Variants in STYX observed in about 807,000 individuals in gnomAD.
STYX encodes serine/threonine/tyrosine interacting protein, also known as serine/threonine/tyrosine-interacting protein.
A neutral mutation model predicts 42.7 loss-of-function variants in STYX; 20 were observed. The observed-to-expected ratio is 0.47, with a 90% confidence interval of 0.33 to 0.68. The LOEUF (loss-of-function observed/expected upper bound fraction) is 0.68, where lower values mean the gene tolerates loss of function less well. Ranked by LOEUF, STYX falls within the 30% of genes least tolerant of loss-of-function variation. STYX has a pLI of 0.02. For synonymous variants in STYX, 78 were observed against 81.9 expected (o/e 0.95, Z 0.26); for missense variants, 226 against 268.5 (o/e 0.84, Z 1.11).
chr14:52,738,936 C>T (rs1281457228), intron 1 of STYX, among the ~76,000 whole-genome samples: 1 of 152,038 alleles, frequency 6.6e-6, no homozygotes, highest in Non-Finnish European at 1.5e-5. Flanking sequence ...CCTCTACCCC[C>T]ATGCTATATA....
chr14:52,735,582 T>TA (rs1307916430), intron 1 of STYX, among the ~76,000 whole-genome samples: 1 of 152,216 alleles, frequency 6.6e-6, no homozygotes, highest in African/African-American at 2.4e-5. Context: ...AACTGACTAA[T>TA]AAGCACTGTT....
At chr14:52,743,347 C>T (rs1329293053) in intron 1 of STYX, among the ~76,000 whole-genome samples, 3 of 151,732 alleles carry the variant, frequency 2.0e-5, no homozygotes, top group Admixed American at 6.6e-5. Context: ...TTTGGGAGGC[C>T]GAGGCGGGCA....
At chr14:52,748,364 G>A (rs1039150344) in intron 3 of STYX, among the ~76,000 whole-genome samples, 9 of 152,132 alleles carry the variant, frequency 5.9e-5, no homozygotes, top group African/African-American at 2.2e-4. Context: ...AAGTAGCCAG[G>A]ACTACGGGCA....
Position 52,759,576 on chromosome 14 carries a change from T to A in STYX, c.432-106T>A. On this transcript the variant is annotated intron_variant, in intron 8 of 10. Coordinates refer to ENST00000354586, the MANE Select transcript of STYX (RefSeq NM_145251.4). ...GGAATTGTGATATTTAATCTCATCA[T>A]GCTTTTTCCATTACAACTCATTACC... The A allele has an allele frequency of 3.9e-6, 3 of 763,572 alleles. No homozygotes were observed. The South Asian group carries it at 4.7e-5, about 12-fold the overall frequency. 47.3% of individuals were successfully genotyped at this position (763,572 alleles called of 1,614,324 possible).
chr14:52,746,678 G>A (rs941730520), intron 3 of STYX, among the ~76,000 whole-genome samples, 199 bp downstream of exon 3: 4 of 152,100 alleles, frequency 2.6e-5, no homozygotes, highest in African/African-American at 9.7e-5. Flanking sequence ...ACAAATCAGA[G>A]TTTTTGTTTT....
chr14:52,733,569 G>A (rs1351760623), intron 1 of STYX, among the ~76,000 whole-genome samples: 1 of 152,100 alleles, frequency 6.6e-6, no homozygotes, highest in Non-Finnish European at 1.5e-5. Context: ...CAGGGTTCCC[G>A]TTACTCCCTC....
intron 1 of STYX, among the ~76,000 whole-genome samples, chr14:52,734,953 A>G (rs1594862110): frequency 1.3e-5 from 2 of 151,864 alleles, no homozygotes; most frequent in African/African-American, 4.8e-5. Context: ...GCTACTTGGG[A>G]GGCTGAGGCA....
chr14:52,743,072 A>C (rs1370973560), intron 1 of STYX, among the ~76,000 whole-genome samples: 1 of 151,880 alleles, frequency 6.6e-6, no homozygotes, highest in African/African-American at 2.4e-5. Flanking sequence ...CTGGGATTAC[A>C]GGTGTGAGCC....
At chr14:52,742,388 A>C (rs1368944986) in intron 1 of STYX, among the ~76,000 whole-genome samples, 1 of 152,226 alleles carries the variant, frequency 6.6e-6, no homozygotes, top group Non-Finnish European at 1.5e-5. Context: ...TCCACTTAAA[A>C]TAAGGCCGTA....
At chr14:52,755,686 T>G (rs1208743044) in intron 4 of STYX, among the ~76,000 whole-genome samples, 3 of 150,656 alleles carry the variant, frequency 2.0e-5, no homozygotes, top group Admixed American at 6.6e-5. Context: ...TCAGCTAGTT[T>G]TTTTTTTTTT....
At position 52,774,591 on chromosome 14, in the gene STYX, A is replaced by ATTTTTTTTTTTT. The variant is rs36115577; in HGVS notation, c.*3491_*3502dup. 1.5e-5 allele frequency: 2 copies of ATTTTTTTTTTTT among 136,262 alleles called. No homozygotes were observed. Among genetic ancestry groups the ATTTTTTTTTTTT allele is most frequent in the Non-Finnish European group, 1.6e-5 (1 of 63,016 alleles). 8.4% of individuals were successfully genotyped at this position (136,262 alleles called of 1,614,324 possible). On this transcript the variant is annotated 3_prime_UTR_variant, in exon 11 of 11. Coordinates refer to ENST00000354586, the MANE Select transcript of STYX (RefSeq NM_145251.4). ...GTCTCTAGGGTCTTTGAATGCTGGA[A>ATTTTTTTTTTTT]TTTTTTTTTTTTTTTTTGTCTTTCC...
At chr14:52,741,962 G>T (rs1881212079) in intron 1 of STYX, among the ~76,000 whole-genome samples, 2 of 152,212 alleles carry the variant, frequency 1.3e-5, no homozygotes, top group South Asian at 4.1e-4. Context: ...TTGATTGTGA[G>T]CTTGTTGGGA....
intron 10 of STYX, 80 bp from the exon 11 acceptor site, chr14:52,770,950 TTAA>T (rs1334215366): frequency 1.4e-5 from 19 of 1,312,314 alleles, no homozygotes; most frequent in African/African-American, 3.0e-5. Flanking sequence ...ACATGATCAC[TTAA>T]TAACAAAATT....
At chr14:52,749,143 C>T (rs897315910) in intron 3 of STYX, among the ~76,000 whole-genome samples, 2 of 152,170 alleles carry the variant, frequency 1.3e-5, no homozygotes, top group Non-Finnish European at 2.9e-5. Flanking sequence ...CTTGCTGGCT[C>T]GCAGATCCCT....
intron 9 of STYX, among the ~76,000 whole-genome samples, chr14:52,763,548 T>C (rs932104129): frequency 1.1e-4 from 16 of 152,224 alleles, no homozygotes; most frequent in Admixed American, 7.2e-4. Flanking sequence ...TTTTATGTTA[T>C]AGCTTGATAT....
At chr14:52,755,488 A>C (rs555342951) in intron 4 of STYX, among the ~76,000 whole-genome samples, 120 of 151,992 alleles carry the variant, frequency 7.9e-4, no homozygotes, top group African/African-American at 2.9e-3. Context: ...TCATTGAAAA[A>C]CTGTATTTTT....
chr14:52,771,927 G>A lies in STYX; in HGVS notation c.*821G>A, dbSNP rs1186919662. On this transcript the variant is annotated 3_prime_UTR_variant, in exon 11 of 11. Coordinates refer to ENST00000354586, the MANE Select transcript of STYX (RefSeq NM_145251.4). The stretch of plus-strand genomic sequence containing the variant: ...TTTTTGGCAGTAAAAGCCAAACGTT[G>A]TATTTGTTCTTTTCAGAGTTGTCCA... 6.6e-6 allele frequency: 1 copy of A among 152,430 alleles called. No individual in the cohort carries two copies. The highest frequency in any genetic ancestry group is 1.5e-5 in the Non-Finnish European group (1 of 67,930). 9.4% of individuals were successfully genotyped at this position (152,430 alleles called of 1,614,324 possible).
At chr14:52,746,619 C>G (rs1035539849) in intron 3 of STYX, 140 bp downstream of exon 3, 32 of 658,272 alleles carry the variant, frequency 4.9e-5, no homozygotes, top group Non-Finnish European at 6.5e-5. Context: ...TCTGGAGTAC[C>G]TTCCTCTTTC....
At chr14:52,754,441 G>A (rs1881769978) in intron 4 of STYX, among the ~76,000 whole-genome samples, 1 of 145,406 alleles carries the variant, frequency 6.9e-6, no homozygotes, top group Non-Finnish European at 1.5e-5. Flanking sequence ...TTGAACTCCT[G>A]AGCTTAAGCG....
Sources: gnomAD v4.1 joint callset for allele counts (sites outside exome capture counted in the v4.1 genomes callset) on GRCh38, gnomAD v4.1.1 for gene constraint, MANE v1.5 for transcripts, NCBI Gene and HGNC (gene_info 2026-07-23, HGNC 2026-07-21) for gene names.